The following PPP3CC variants were observed in gnomAD, a reference collection of about 807,000 sequenced individuals.
The protein encoded by PPP3CC is serine/threonine-protein phosphatase 2B catalytic subunit gamma isoform.
Under a neutral mutation model 60.3 loss-of-function variants are expected in PPP3CC, and 35 were observed. The observed-to-expected ratio is 0.58, with a 90% confidence interval of 0.44 to 0.77. PPP3CC has a LOEUF of 0.77. Among genes scored for constraint, PPP3CC ranks in the 30% least tolerant of loss-of-function variants. The pLI is 0.00. For missense variants in PPP3CC, 570 were observed against 628.9 expected (o/e 0.91, Z 1.00); for synonymous variants, 206 against 224.3 (o/e 0.92, Z 0.73).
chr8:22,445,948 T>A (rs1257646086), intron 1 of PPP3CC, among the ~76,000 whole-genome samples: 4 of 152,204 alleles, frequency 2.6e-5, no homozygotes, highest in Non-Finnish European at 1.5e-5. Context: ...ACACTTAATT[T>A]TTTTCTTTTT....
intron 1 of PPP3CC, among the ~76,000 whole-genome samples, chr8:22,447,395 G>T (rs1238787766): frequency 3.3e-5 from 5 of 151,818 alleles, no homozygotes; most frequent in African/African-American, 4.8e-5. Flanking sequence ...TGTTAGCCAG[G>T]ATGGTCTCGG....
intron 3 of PPP3CC, among the ~76,000 whole-genome samples, chr8:22,480,104 A>G: frequency 6.6e-6 from 1 of 151,928 alleles, no homozygotes; most frequent in South Asian, 2.1e-4. Flanking sequence ...CTGATTGTGC[A>G]TGTTTTTAGA....
chr8:22,474,970 A>C lies in PPP3CC; in HGVS notation c.66A>C (p.Pro22=), dbSNP rs1837842681. The change falls in exon 2 of 14, where the codon CCA becomes CCC. Residue 22 remains proline, a synonymous_variant. Transcript: ENST00000240139. ...DRVIKAVPFP[P]TQRLTFKEVF... ...TTTTTGTAGCTGTCCCCTTTCCTCC[A>C]ACCCAACGGCTTACTTTCAAGGAAG... 6.3e-7 allele frequency: 1 copy of C among 1,589,426 alleles called. No homozygotes were observed. Among genetic ancestry groups the C allele is most frequent in the African/African-American group, 1.3e-5 (1 of 74,674 alleles).
chr8:22,502,510 A>C (rs892841279), intron 4 of PPP3CC, among the ~76,000 whole-genome samples: 6 of 152,122 alleles, frequency 3.9e-5, no homozygotes, highest in African/African-American at 1.4e-4. Flanking sequence ...CACAGTAGTA[A>C]GACTCTCTCT....
intron 4 of PPP3CC, among the ~76,000 whole-genome samples, chr8:22,501,227 T>C (rs1050623069): frequency 2.0e-5 from 3 of 152,258 alleles, no homozygotes; most frequent in African/African-American, 7.2e-5. Flanking sequence ...TATTTATAAA[T>C]TTTAAGTGCA....
At chr8:22,474,815 A>AT (rs1837837296) in intron 1 of PPP3CC, 139 bp from the exon 2 acceptor site, 7 of 442,848 alleles carry the variant, frequency 1.6e-5, no homozygotes, top group East Asian at 4.2e-5. Context: ...GTATCTTAGA[A>AT]TTTTTTCCCC....
intron 1 of PPP3CC, among the ~76,000 whole-genome samples, chr8:22,446,491 A>G (rs1322578989): frequency 6.6e-6 from 1 of 152,232 alleles, no homozygotes; most frequent in Non-Finnish European, 1.5e-5. Context: ...TGATACTAGG[A>G]ATTGAATGTC....
intron 4 of PPP3CC, among the ~76,000 whole-genome samples, chr8:22,504,854 A>G (rs1389510479): frequency 1.3e-5 from 2 of 151,202 alleles, no homozygotes; most frequent in Non-Finnish European, 3.0e-5. Context: ...AGCTGGGACT[A>G]CAGGCACGAG....
chr8:22,523,194 C>CA (rs553730967), intron 8 of PPP3CC, among the ~76,000 whole-genome samples: 1,571 of 149,722 alleles, frequency 0.01, 37 homozygotes, highest in African/African-American at 0.036. Flanking sequence ...TGTACAAAGT[C>CA]AAAAAAAAAC....
intron 5 of PPP3CC, 46 bp from the exon 6 acceptor site, chr8:22,513,247 T>G (rs1416269848): frequency 6.3e-7 from 1 of 1,583,494 alleles, no homozygotes; most frequent in East Asian, 2.3e-5. Context: ...CCAAGAAGCC[T>G]TTTGCTCTCC....
At chr8:22,448,472 C>T (rs747307686) in intron 1 of PPP3CC, among the ~76,000 whole-genome samples, 3 of 151,230 alleles carry the variant, frequency 2.0e-5, no homozygotes, top group South Asian at 2.1e-4. Flanking sequence ...CTCTGCCTGC[C>T]GGGTTCAAGC....
chr8:22,522,819 C>G, intron 8 of PPP3CC, 70 bp downstream of exon 8: 1 of 1,094,482 alleles, frequency 9.1e-7, no homozygotes, highest in Non-Finnish European at 1.3e-6. Context: ...ATTGTATGTA[C>G]GTATGTGTGT....
At chr8:22,460,220 A>T (rs1295649797) in intron 1 of PPP3CC, among the ~76,000 whole-genome samples, 1 of 152,166 alleles carries the variant, frequency 6.6e-6, no homozygotes, top group East Asian at 1.9e-4. Flanking sequence ...TCTTTGATTT[A>T]TAAAAATCTT....
In PPP3CC at chr8:22,441,343, A is replaced by C; in HGVS notation, c.-67A>C. On this transcript the variant is annotated 5_prime_UTR_variant, in exon 1 of 14. Transcript: ENST00000240139. Reference sequence around the variant, plus strand: ...GGGCAGCTAAGGCTGCCCGAGGAGAAGGCGGCGGCCGCGGCGTAGGCGCAC... The same window carrying C: ...GGGCAGCTAAGGCTGCCCGAGGAGACGGCGGCGGCCGCGGCGTAGGCGCAC... The C allele has an allele frequency of 6.8e-7, 1 of 1,479,308 alleles. No homozygotes were observed. Among genetic ancestry groups the C allele is most frequent in the Non-Finnish European group, 9.0e-7 (1 of 1,110,240 alleles). The allele number at this position is 1,479,308 out of a possible 1,614,324, so 91.6% of individuals were successfully genotyped here.
At chr8:22,466,180 G>T (rs1157007780) in intron 1 of PPP3CC, among the ~76,000 whole-genome samples, 1 of 152,116 alleles carries the variant, frequency 6.6e-6, no homozygotes, top group Non-Finnish European at 1.5e-5. Flanking sequence ...TCCTTTTTAT[G>T]GCTGCATAGT....
intron 4 of PPP3CC, among the ~76,000 whole-genome samples, chr8:22,503,739 A>G (rs2461491): frequency 0.48 from 73,665 of 151,972 alleles, 17,968 homozygotes; most frequent in East Asian, 0.6. Flanking sequence ...TGCTTTTCAC[A>G]TGATTTAACT....
At chr8:22,494,561 ATCAT>A (rs1336544864) in intron 3 of PPP3CC, among the ~76,000 whole-genome samples, 1 of 152,228 alleles carries the variant, frequency 6.6e-6, no homozygotes, top group African/African-American at 2.4e-5. Flanking sequence ...ATTGATTATC[ATCAT>A]TCATGCGTTC....
At chr8:22,527,671 TG>T (rs1839595256) in intron 9 of PPP3CC, 154 bp downstream of exon 9, 2 of 915,974 alleles carry the variant, frequency 2.2e-6, no homozygotes, top group Admixed American at 2.8e-5. Flanking sequence ...AGTCTCGCTC[TG>T]TCACCCAGGC....
In PPP3CC at chr8:22,532,262, G is replaced by T; in HGVS notation, c.1179G>T (p.Lys393Asn). Residue 393 changes from lysine (K) to asparagine (N), a missense_variant, in exon 11 of 14, where the codon AAG (lysine) becomes AAT (asparagine). Coordinates refer to ENST00000240139, the MANE Select transcript of PPP3CC (RefSeq NM_005605.5). ...TTCGTAAGGAGATCATCAGGAATAA[G>T]ATCAGAGCCATTGGGAAGATGGCAC... is the stretch of plus-strand genomic sequence containing the variant. ...TTVRKEIIRN[K>N]IRAIGKMARV... 1 of 1,613,382 alleles carries T rather than the reference G, an allele frequency of 6.2e-7. No homozygotes were observed. Among genetic ancestry groups the T allele is most frequent in the Non-Finnish European group, 8.5e-7 (1 of 1,179,310 alleles).
Sources: allele counts gnomAD v4.1 joint callset (sites outside exome capture counted in the v4.1 genomes callset), GRCh38; gene constraint gnomAD v4.1.1; transcripts MANE v1.5; gene names NCBI Gene and HGNC (gene_info 2026-07-23, HGNC 2026-07-21).